Variants in FRMD4A observed in about 807,000 individuals in gnomAD.
FRMD4A encodes FERM domain containing 4A.
A neutral mutation model predicts 129.1 loss-of-function variants in FRMD4A; 29 were observed. The ratio of observed to expected loss-of-function variants is 0.22; its 90% confidence interval spans 0.17 to 0.31. The LOEUF (loss-of-function observed/expected upper bound fraction) is 0.31, where lower values mean the gene tolerates loss of function less well. Among genes scored for constraint, FRMD4A ranks in the 10% least tolerant of loss-of-function variants. FRMD4A has a pLI of 1.00. For missense variants in FRMD4A, 1,272 were observed against 1,375.8 expected, an observed-to-expected ratio of 0.92 and a Z score of 1.19; for synonymous variants, 634 against 571.6, an observed-to-expected ratio of 1.11 and a Z score of -1.56.
intron 2 of FRMD4A, among the ~76,000 whole-genome samples, chr10:14,272,528 A>C (rs1331915354): frequency 6.6e-6 from 1 of 152,190 alleles, no homozygotes; most frequent in Non-Finnish European, 1.5e-5. Flanking sequence ...GTCTATTACC[A>C]ACCTGACATT....
Position 13,980,742 on chromosome 10 carries a change from A to G in FRMD4A, c.46-121830T>C, listed in dbSNP as rs565102522. Reference sequence around the variant, plus strand: ...CCGTAAAAATCAAATCAAATCAAATATTTTAAAAATTAAATTAAAAAAATT... The same window carrying G: ...CCGTAAAAATCAAATCAAATCAAATGTTTTAAAAATTAAATTAAAAAAATT... On this transcript the variant is annotated intron_variant, in intron 2 of 24. Transcript: ENST00000357447. 2.6e-4 allele frequency among the ~76,000 whole-genome samples: 39 copies of G among 152,320 alleles called. No individual in the cohort carries two copies. In the South Asian group the frequency reaches 7.7e-3, roughly 30 times the overall value.
intron 2 of FRMD4A, among the ~76,000 whole-genome samples, chr10:14,106,091 C>T (rs973990023): frequency 1.3e-5 from 2 of 152,206 alleles, no homozygotes; most frequent in African/African-American, 2.4e-5. Flanking sequence ...CAACAGGAAA[C>T]TCCCCTTTAT....
intron 18 of FRMD4A, 60 bp from the exon 19 acceptor site, chr10:13,663,569 C>A: frequency 1.2e-6 from 1 of 863,382 alleles, no homozygotes; most frequent in Non-Finnish European, 2.0e-6. Context: ...AAAGCCCTAT[C>A]TGTAAAAATA....
At chr10:14,236,052 A>G (rs927725410) in intron 2 of FRMD4A, among the ~76,000 whole-genome samples, 2 of 152,250 alleles carry the variant, frequency 1.3e-5, no homozygotes, top group African/African-American at 4.8e-5. Flanking sequence ...CTCTAGCTTC[A>G]TGCACGATCA....
At chr10:14,048,830 TAGAA>T in intron 2 of FRMD4A, among the ~76,000 whole-genome samples, 1 of 3,032 alleles carries the variant, frequency 3.3e-4, no homozygotes, top group Non-Finnish European at 8.1e-4. Flanking sequence ...TAGATTAGAA[TAGAA>T]TAGAATAGAA....
chr10:14,037,222 C>T (rs1565202585), intron 2 of FRMD4A, among the ~76,000 whole-genome samples: 1 of 152,186 alleles, frequency 6.6e-6, no homozygotes, highest in Non-Finnish European at 1.5e-5. Flanking sequence ...ACTTCACTGT[C>T]CGGATCTGGA....
chr10:13,729,150 G>A (rs1272710453), intron 12 of FRMD4A, among the ~76,000 whole-genome samples: 1 of 151,722 alleles, frequency 6.6e-6, no homozygotes, highest in Non-Finnish European at 1.5e-5. Flanking sequence ...AAGCGTTCAG[G>A]TCCACTCAGA....
At chr10:13,975,093 A>ATG (rs1241418907) in intron 2 of FRMD4A, among the ~76,000 whole-genome samples, 1 of 149,166 alleles carries the variant, frequency 6.7e-6, no homozygotes, top group African/African-American at 2.5e-5. Flanking sequence ...GCCTGTGGGT[A>ATG]TGTGTGTGTG....
chr10:14,281,411 G>C (rs73603255), intron 2 of FRMD4A, among the ~76,000 whole-genome samples: 2 of 152,226 alleles, frequency 1.3e-5, no homozygotes, highest in African/African-American at 4.8e-5. Context: ...TGTTTATGCC[G>C]CAAGGCAAGG....
chr10:14,137,948 C>A (rs1263730053), intron 2 of FRMD4A, among the ~76,000 whole-genome samples: 1 of 152,176 alleles, frequency 6.6e-6, no homozygotes, highest in Non-Finnish European at 1.5e-5. Flanking sequence ...ATACTTTGAA[C>A]AGAGCTGCTC....
chr10:14,222,610 G>A (rs979502724), intron 2 of FRMD4A, among the ~76,000 whole-genome samples: 1 of 152,116 alleles, frequency 6.6e-6, no homozygotes, highest in African/African-American at 2.4e-5. Flanking sequence ...ATTCAAATGT[G>A]ATTCCCATCA....
At chr10:13,772,074 G>A (rs766413768) in intron 6 of FRMD4A, among the ~76,000 whole-genome samples, 14 of 149,736 alleles carry the variant, frequency 9.3e-5, no homozygotes, top group African/African-American at 3.2e-4. Flanking sequence ...CTGAGATCAC[G>A]TCACCGCACT....
chr10:13,904,575 C>A (rs2094859081), intron 2 of FRMD4A, among the ~76,000 whole-genome samples: 1 of 152,204 alleles, frequency 6.6e-6, no homozygotes, highest in Non-Finnish European at 1.5e-5. Context: ...TATTCCAGAT[C>A]CTCAAAATGT....
chr10:14,217,833 T>TC (rs1454538641), intron 2 of FRMD4A, among the ~76,000 whole-genome samples: 7 of 144,802 alleles, frequency 4.8e-5, no homozygotes, highest in South Asian at 2.2e-4. Context: ...TCTCTCTCTC[T>TC]TTTTTTTTTT....
intron 2 of FRMD4A, among the ~76,000 whole-genome samples, chr10:14,145,091 G>A (rs929433554): frequency 1.3e-5 from 2 of 152,316 alleles, no homozygotes; most frequent in African/African-American, 2.4e-5. Flanking sequence ...ATTACCATGA[G>A]CTTACATAGA....
At chr10:13,992,297 TCTC>T (rs891758021) in intron 2 of FRMD4A, among the ~76,000 whole-genome samples, 44 of 152,332 alleles carry the variant, frequency 2.9e-4, no homozygotes, top group African/African-American at 1.0e-3. Flanking sequence ...ATTGGTTTCT[TCTC>T]CTCTGATTTC....
chr10:13,796,278 A>G (rs1344942515), intron 5 of FRMD4A, among the ~76,000 whole-genome samples: 2 of 152,328 alleles, frequency 1.3e-5, no homozygotes, highest in East Asian at 3.9e-4. Flanking sequence ...TCCTAGTGCA[A>G]ATGCATAATA....
At chr10:14,003,375 A>G (rs1461693644) in intron 2 of FRMD4A, among the ~76,000 whole-genome samples, 1 of 152,158 alleles carries the variant, frequency 6.6e-6, no homozygotes, top group African/African-American at 2.4e-5. Context: ...TTCATCGTGG[A>G]CATGCTGGAT....
At chr10:13,695,413 T>C (rs1371445956) in intron 14 of FRMD4A, among the ~76,000 whole-genome samples, 4 of 152,204 alleles carry the variant, frequency 2.6e-5, no homozygotes, top group Non-Finnish European at 5.9e-5. Context: ...AGTGCTGGGA[T>C]TACAGGCGTG....
Sources: gnomAD v4.1 joint callset for allele counts (sites outside exome capture counted in the v4.1 genomes callset) on GRCh38, gnomAD v4.1.1 for gene constraint, MANE v1.5 for transcripts, NCBI Gene and HGNC (gene_info 2026-07-23, HGNC 2026-07-21) for gene names.